Variants in MTUS2 observed in about 807,000 individuals in gnomAD.
The protein encoded by MTUS2 is microtubule associated scaffold protein 2.
A neutral mutation model predicts 114.1 loss-of-function variants in MTUS2; 40 were observed. The ratio of observed to expected loss-of-function variants is 0.35; its 90% CI spans 0.27 to 0.46. MTUS2 has a LOEUF of 0.46. Ranked by LOEUF, MTUS2 falls within the 20% of genes least tolerant of loss-of-function variation. The pLI, the probability that MTUS2 is intolerant of heterozygous loss-of-function variation, is 1.00. For missense variants in MTUS2, 1,679 were observed against 1,705.4 expected (o/e 0.98, Z 0.27); for synonymous variants, 688 against 672.0 (o/e 1.02, Z -0.37).
At chr13:29,175,521 C>T (rs564873210) in intron 5 of MTUS2, among the ~76,000 whole-genome samples, 31 of 152,332 alleles carry the variant, frequency 2.0e-4, no homozygotes, top group Admixed American at 1.8e-3. Flanking sequence ...AGAAAGCAGC[C>T]TGTGTAGATA....
chr13:29,430,080 C>T (rs372103321), intron 8 of MTUS2, among the ~76,000 whole-genome samples: 26 of 152,260 alleles, frequency 1.7e-4, no homozygotes, highest in African/African-American at 3.9e-4. Context: ...AAAGCATTTG[C>T]GCTCAATTGT....
chr13:29,244,072 A>G (rs1245248592), intron 5 of MTUS2, among the ~76,000 whole-genome samples: 1 of 152,224 alleles, frequency 6.6e-6, no homozygotes, highest in Non-Finnish European at 1.5e-5. Flanking sequence ...ATGCCTATTC[A>G]GTATTCTCAG....
chr13:28,998,348 T>G (rs1156664486), intron 2 of MTUS2, among the ~76,000 whole-genome samples: 1 of 152,230 alleles, frequency 6.6e-6, no homozygotes, highest in Non-Finnish European at 1.5e-5. Context: ...TCAACTTTGA[T>G]GAATCTGACA....
At chr13:29,062,689 T>C (rs975239236) in intron 4 of MTUS2, among the ~76,000 whole-genome samples, 13 of 152,146 alleles carry the variant, frequency 8.5e-5, no homozygotes, top group Non-Finnish European at 1.9e-4. Flanking sequence ...TAATTTCTGG[T>C]GTTTCCCTCC....
At chr13:29,067,198 A>G (rs1194492798) in intron 4 of MTUS2, among the ~76,000 whole-genome samples, 1 of 152,186 alleles carries the variant, frequency 6.6e-6, no homozygotes, top group Non-Finnish European at 1.5e-5. Flanking sequence ...TCATTACCCC[A>G]TGGATGTGAG....
At chr13:29,160,152 G>A (rs1218231672) in intron 5 of MTUS2, among the ~76,000 whole-genome samples, 1 of 152,172 alleles carries the variant, frequency 6.6e-6, no homozygotes, top group Non-Finnish European at 1.5e-5. Context: ...ACCACAGACT[G>A]CTACTTAGCG....
chr13:28,921,623 C>T (rs1191972561), intron 2 of MTUS2, among the ~76,000 whole-genome samples: 1 of 152,118 alleles, frequency 6.6e-6, no homozygotes, highest in African/African-American at 2.4e-5. Flanking sequence ...TCCTTGTGTC[C>T]TAGACTGCCT....
At chr13:29,244,502 C>T (rs1012654242) in intron 5 of MTUS2, among the ~76,000 whole-genome samples, 8 of 152,028 alleles carry the variant, frequency 5.3e-5, no homozygotes, top group Non-Finnish European at 7.4e-5. Flanking sequence ...ACTGAATGGG[C>T]CACTGAGATC....
At chr13:29,225,523 T>C (rs1321336287) in intron 5 of MTUS2, among the ~76,000 whole-genome samples, 1 of 152,196 alleles carries the variant, frequency 6.6e-6, no homozygotes, top group Non-Finnish European at 1.5e-5. Context: ...CATATCATGA[T>C]CCACCAGCTG....
intron 2 of MTUS2, among the ~76,000 whole-genome samples, chr13:28,911,378 G>A (rs1880420958): frequency 6.6e-6 from 1 of 151,640 alleles, no homozygotes; most frequent in Admixed American, 6.6e-5. Context: ...GTTTCACCAT[G>A]TTGGCCAGGA....
At chr13:29,187,828 C>G (rs1413220803) in intron 5 of MTUS2, among the ~76,000 whole-genome samples, 2 of 152,150 alleles carry the variant, frequency 1.3e-5, no homozygotes, top group African/African-American at 2.4e-5. Flanking sequence ...CTCACTGCCC[C>G]ATAAACATTC....
At chr13:29,176,151 T>C (rs572375369) in intron 5 of MTUS2, among the ~76,000 whole-genome samples, 1 of 152,308 alleles carries the variant, frequency 6.6e-6, no homozygotes, top group Admixed American at 6.5e-5. Context: ...TGAGTAAATA[T>C]TCAATGAGTT....
chr13:28,857,027 G>C (rs1354500855), intron 2 of MTUS2, among the ~76,000 whole-genome samples: 2 of 152,218 alleles, frequency 1.3e-5, no homozygotes, highest in African/African-American at 4.8e-5. Flanking sequence ...ACACTCTAAG[G>C]AAGTGAGGAG....
At chr13:29,345,858 G>A (rs1482004695) in intron 7 of MTUS2, among the ~76,000 whole-genome samples, 2 of 151,990 alleles carry the variant, frequency 1.3e-5, no homozygotes, top group East Asian at 2.0e-4. Flanking sequence ...CCCTTGATGT[G>A]GTGTTCTCCT....
intron 9 of MTUS2, among the ~76,000 whole-genome samples, chr13:29,474,308 A>C (rs1327332768): frequency 6.6e-6 from 1 of 152,226 alleles, no homozygotes; most frequent in Non-Finnish European, 1.5e-5. Flanking sequence ...TGCCTGGTCC[A>C]TGAATCGTCC....
chr13:28,845,863 C>G (rs1453764202), intron 2 of MTUS2, among the ~76,000 whole-genome samples: 2 of 151,692 alleles, frequency 1.3e-5, no homozygotes, highest in Non-Finnish European at 2.9e-5. Context: ...TGGCTTGCAG[C>G]TCTGTAAGGA....
chr13:29,251,559 A>G (rs1897125683), intron 5 of MTUS2, among the ~76,000 whole-genome samples: 1 of 152,080 alleles, frequency 6.6e-6, no homozygotes, highest in Non-Finnish European at 1.5e-5. Flanking sequence ...TGTGCCATTA[A>G]ACACTGACTC....
intron 2 of MTUS2, among the ~76,000 whole-genome samples, chr13:28,893,970 T>A (rs1328382930): frequency 6.6e-6 from 1 of 152,076 alleles, no homozygotes; most frequent in Admixed American, 6.6e-5. Flanking sequence ...CACTTTGTTT[T>A]ATAGTGATGG....
chr13:28,973,541 G>T (rs1299323546), intron 2 of MTUS2, among the ~76,000 whole-genome samples: 1 of 152,200 alleles, frequency 6.6e-6, no homozygotes, highest in Admixed American at 6.5e-5. Context: ...AACTGCTTAT[G>T]AAAGTGACTG....
Sources: allele counts gnomAD v4.1 joint callset (sites outside exome capture counted in the v4.1 genomes callset), GRCh38; gene constraint gnomAD v4.1.1; transcripts MANE v1.5; gene names NCBI Gene and HGNC (gene_info 2026-07-23, HGNC 2026-07-21).